GRM7: variants seen among roughly 807,000 people sequenced by gnomAD.
GRM7 encodes the protein glutamate metabotropic receptor 7.
GRM7 carries 35 observed loss-of-function variants against 84.5 expected under a neutral mutation model. That is an observed-to-expected ratio of 0.41 (90% CI 0.32 to 0.55). The LOEUF is 0.55. Ranked by LOEUF, GRM7 falls within the 20% of genes least tolerant of loss-of-function variation. The pLI is 0.19. For synonymous variants in GRM7, 487 were observed against 455.1 expected, an observed-to-expected ratio of 1.07 and a Z score of -0.89; for missense variants, 1,003 against 1,194.6, an observed-to-expected ratio of 0.84 and a Z score of 2.36.
intron 2 of GRM7, among the ~76,000 whole-genome samples, chr3:7,261,974 C>T (rs550323701): frequency 1.1e-5 from 1 of 90,504 alleles, no homozygotes; most frequent in African/African-American, 4.2e-5. Context: ...TTCTTTCTTT[C>T]GTTCTTTCCT....
intron 7 of GRM7, among the ~76,000 whole-genome samples, chr3:7,518,579 A>T (rs1037914040): frequency 8.1e-4 from 123 of 152,194 alleles, no homozygotes; most frequent in African/African-American, 2.9e-3. Flanking sequence ...TTTTTAAAAA[A>T]CCCTCTAAAC....
chr3:6,949,514 G>A (rs1490396551), intron 1 of GRM7, among the ~76,000 whole-genome samples: 12 of 152,028 alleles, frequency 7.9e-5, no homozygotes, highest in Middle Eastern at 6.8e-3. Flanking sequence ...CAACTTTGGT[G>A]AATCTGACAA....
At chr3:6,871,557 A>G (rs1444240492) in intron 1 of GRM7, among the ~76,000 whole-genome samples, 1 of 151,784 alleles carries the variant, frequency 6.6e-6, no homozygotes, top group Non-Finnish European at 1.5e-5. Context: ...TTTATCTCGT[A>G]GGTTGTCATC....
chr3:7,728,854 T>C (rs576194769), intron 9 of GRM7, among the ~76,000 whole-genome samples: 1 of 152,348 alleles, frequency 6.6e-6, no homozygotes, highest in South Asian at 2.1e-4. Context: ...GCATCTCTAT[T>C]TGCTTGTTCG....
At chr3:7,683,186 C>A (rs1463446379) in intron 9 of GRM7, among the ~76,000 whole-genome samples, 1 of 152,082 alleles carries the variant, frequency 6.6e-6, no homozygotes, top group African/African-American at 2.4e-5. Context: ...CATACTGTAA[C>A]GTATTATTGC....
chr3:7,446,457 T>TG (rs1384589088), intron 5 of GRM7, among the ~76,000 whole-genome samples: 7 of 113,208 alleles, frequency 6.2e-5, no homozygotes, highest in Non-Finnish European at 1.1e-4. Flanking sequence ...CTTGTTTTTT[T>TG]TTTTTTGTTT....
intron 1 of GRM7, among the ~76,000 whole-genome samples, chr3:6,965,441 C>T (rs1559356188): frequency 1.3e-5 from 2 of 152,130 alleles, no homozygotes; most frequent in African/African-American, 4.8e-5. Flanking sequence ...TCTTAGCCTC[C>T]CCAGTAGCTG....
Position 7,080,129 on chromosome 3 carries a change from C to T in GRM7, c.520-66323C>T, listed in dbSNP as rs573573254. On this transcript the variant is annotated intron_variant, in intron 1 of 9. Transcript: ENST00000357716. ...TCTTTATTTCTCTCCTTCCCACTCA[C>T]TCCACAAACCTCTCCGAACTGTCTT... Among the ~76,000 whole-genome samples the T allele has an allele frequency of 2.1e-4, 32 of 152,146 alleles. No individual in the cohort carries two copies. In the South Asian group the frequency reaches 6.2e-3, roughly 30 times the overall value.
At chr3:7,175,270 A>G (rs1695107829) in intron 2 of GRM7, among the ~76,000 whole-genome samples, 1 of 152,226 alleles carries the variant, frequency 6.6e-6, no homozygotes, top group Non-Finnish European at 1.5e-5. Flanking sequence ...TGCAAATACC[A>G]TAGTCTCCAT....
chr3:7,720,732 T>C (rs771811514), intron 9 of GRM7, among the ~76,000 whole-genome samples: 16 of 152,358 alleles, frequency 1.1e-4, no homozygotes, highest in Admixed American at 5.2e-4. Flanking sequence ...GCAACAATGA[T>C]GTTGTCCATA....
chr3:7,279,585 G>A (rs1368655099), intron 2 of GRM7, among the ~76,000 whole-genome samples: 1 of 152,120 alleles, frequency 6.6e-6, no homozygotes, highest in Non-Finnish European at 1.5e-5. Flanking sequence ...GTTCTCTGTG[G>A]ATAGTAGAAT....
chr3:7,722,448 CTTTT>C (rs34076976), intron 9 of GRM7, among the ~76,000 whole-genome samples: 6 of 136,492 alleles, frequency 4.4e-5, no homozygotes, highest in Non-Finnish European at 3.2e-5. Flanking sequence ...ATCCTTGTGT[CTTTT>C]TTTTTTTTTT....
chr3:6,973,993 T>A (rs184843177), intron 1 of GRM7, among the ~76,000 whole-genome samples: 2 of 152,314 alleles, frequency 1.3e-5, no homozygotes, highest in East Asian at 3.9e-4. Context: ...ACCCAGCTCC[T>A]ATAAAAAGCC....
At chr3:6,907,945 T>C (rs1429205907) in intron 1 of GRM7, among the ~76,000 whole-genome samples, 1 of 152,110 alleles carries the variant, frequency 6.6e-6, no homozygotes, top group African/African-American at 2.4e-5. Context: ...AATGTATTGA[T>C]CTCTCTTTCC....
intron 9 of GRM7, among the ~76,000 whole-genome samples, chr3:7,684,164 A>T (rs1700489092): frequency 6.6e-6 from 1 of 152,244 alleles, no homozygotes; most frequent in Non-Finnish European, 1.5e-5. Context: ...TAACATTATA[A>T]TATTCTGTTT....
chr3:6,973,817 C>G (rs991171563), intron 1 of GRM7, among the ~76,000 whole-genome samples: 5 of 152,128 alleles, frequency 3.3e-5, no homozygotes, highest in African/African-American at 9.7e-5. Context: ...GAGAGGCAGT[C>G]AAGGTGCAGT....
intron 1 of GRM7, among the ~76,000 whole-genome samples, chr3:7,016,826 G>C (rs1695583861): frequency 6.6e-6 from 1 of 152,174 alleles, no homozygotes; most frequent in African/African-American, 2.4e-5. Flanking sequence ...GAGACCTAAG[G>C]AGATTAAGTA....
At chr3:7,085,689 A>G (rs1387599943) in intron 1 of GRM7, among the ~76,000 whole-genome samples, 2 of 152,148 alleles carry the variant, frequency 1.3e-5, no homozygotes, top group African/African-American at 4.8e-5. Flanking sequence ...ATGGTAGGTA[A>G]CTATCAAGTT....
intron 4 of GRM7, among the ~76,000 whole-genome samples, chr3:7,316,311 C>T (rs540887233): frequency 3.3e-5 from 5 of 152,154 alleles, no homozygotes; most frequent in African/African-American, 1.2e-4. Flanking sequence ...ACAGGAATAA[C>T]CTGATCTGTC....
Sources: allele counts gnomAD v4.1 joint callset (sites outside exome capture counted in the v4.1 genomes callset), GRCh38; gene constraint gnomAD v4.1.1; transcripts MANE v1.5; gene names NCBI Gene and HGNC (gene_info 2026-07-23, HGNC 2026-07-21).